Variants in MCM3AP observed in about 807,000 individuals in gnomAD.
MCM3AP encodes minichromosome maintenance complex component 3 associated protein.
A neutral mutation model predicts 184.1 loss-of-function variants in MCM3AP; 126 were observed. The observed-to-expected ratio is 0.68, with a 90% confidence interval of 0.59 to 0.79. The LOEUF (loss-of-function observed/expected upper bound fraction) is 0.79. MCM3AP is among the 30% of genes least tolerant of loss of function. The pLI, the probability that MCM3AP is intolerant of heterozygous loss-of-function variation, is 0.00. For missense variants in MCM3AP, 2,496 were observed against 2,479.2 expected (o/e 1.01, Z -0.14); for synonymous variants, 1,002 against 979.3 (o/e 1.02, Z -0.43).
At position 46,273,561 on chromosome 21, in the gene MCM3AP, C is replaced by T; in HGVS notation, c.2023G>A (p.Glu675Lys). Residue 675 changes from glutamate (E) to lysine (K), a missense_variant, in exon 7 of 28, where the codon GAG (glutamate) becomes AAG (lysine). Around this residue, in one of 5 missense-constraint regions of MCM3AP, gnomAD observed 130 missense variants for 199.8 expected, o/e 0.65. Coordinates refer to ENST00000291688, the MANE Select transcript of MCM3AP (RefSeq NM_003906.5). ...DQVDHAAAVK[E>K]YSRSSADQEE... ...TGATCCGCCGAGGACCGACTGTACT[C>T]TTTCACAGCTGCTGCGTGGTCCACC... 4 of 1,613,858 alleles carry T rather than the reference C, an allele frequency of 2.5e-6. No homozygotes were observed. Among genetic ancestry groups the T allele is most frequent in the Non-Finnish European group, 3.4e-6 (4 of 1,179,864 alleles).
At chr21:46,272,863 A>G (rs1472293279) in intron 7 of MCM3AP, 34 bp from the exon 8 acceptor site, 1 of 1,527,616 alleles carries the variant, frequency 6.5e-7, no homozygotes, top group African/African-American at 1.4e-5. Flanking sequence ...TCACACACAC[A>G]TTCCCATGCA....
chr21:46,268,329 A>G (rs2081138803), intron 9 of MCM3AP, among the ~76,000 whole-genome samples: 1 of 152,248 alleles, frequency 6.6e-6, no homozygotes, highest in African/African-American at 2.4e-5. Flanking sequence ...TCTTTAATTC[A>G]ACCAACACTG....
Position 46,284,420 on chromosome 21 carries a change from T to C in MCM3AP, c.867A>G (p.Lys289=). The C allele has an allele frequency of 1.2e-6, 2 of 1,614,148 alleles. No homozygotes were observed. Among genetic ancestry groups the C allele is most frequent in the Non-Finnish European group, 1.7e-6 (2 of 1,180,026 alleles). Residue 289 remains lysine (K), a synonymous_variant, in exon 1 of 28, where the codon AAA becomes AAG. Transcript: ENST00000291688. ...CCTGGTCCTCCTTCCTTTTCAGTCC[T>C]TTCATTAGGCTGGGAAGTGGTTCCA... ...SQVEPLPSLM[K]GLKRKEDQDR... is the part of the protein sequence containing the mutation.
In MCM3AP at chr21:46,279,977, GA is replaced by G. The variant is rs2081309570; in HGVS notation, c.1667+15del. Reference sequence around the variant, plus strand: ...GGTCCTTCCGGAATAAGGTCATTAGGAGGGACCGATCCCACCTTTTATTCAG... The same window carrying G: ...GGTCCTTCCGGAATAAGGTCATTAGGGGGACCGATCCCACCTTTTATTCAG... On this transcript the variant is annotated intron_variant, in intron 4 of 27. Coordinates refer to ENST00000291688, the MANE Select transcript of MCM3AP (RefSeq NM_003906.5). 1.2e-6 allele frequency: 2 copies of G among 1,605,942 alleles called. No individual in the cohort carries two copies. Among genetic ancestry groups the G allele is most frequent in the African/African-American group, 2.7e-5 (2 of 74,324 alleles).
chr21:46,264,015 T>C (rs975011911), intron 13 of MCM3AP, 102 bp downstream of exon 13: 14 of 677,488 alleles, frequency 2.1e-5, no homozygotes, highest in Non-Finnish European at 3.3e-5. Context: ...TATTGGATTA[T>C]GACTCCAAAA....
At position 46,266,034 on chromosome 21, in the gene MCM3AP, G is replaced by A; in HGVS notation, c.2922C>T (p.Val974=). 2 of 1,612,272 alleles carry A rather than the reference G, an allele frequency of 1.2e-6. No homozygotes were observed. Among genetic ancestry groups the A allele is most frequent in the East Asian group, 2.2e-5 (1 of 44,870 alleles). The part of the protein sequence containing the change: ...EIVNGGPLPP[V]PRHTPVCSFN... ...AGCTGCACACAGGGGTATGACGAGG[G>A]ACGGGGGGCAATGGCCCTCCGTTCA... Residue 974 remains valine, a synonymous_variant, in exon 11 of 28, where the codon GTC becomes GTT. Coordinates refer to ENST00000291688, the MANE Select transcript of MCM3AP (RefSeq NM_003906.5).
At chr21:46,273,290 T>C in intron 7 of MCM3AP, 98 bp downstream of exon 7, 4 of 1,211,872 alleles carry the variant, frequency 3.3e-6, no homozygotes, top group Non-Finnish European at 4.7e-6. Context: ...AAGTACATTT[T>C]TGTTACAGAT....
chr21:46,279,896 C>T, intron 4 of MCM3AP, 97 bp downstream of exon 4: 1 of 1,279,026 alleles, frequency 7.8e-7, no homozygotes, highest in East Asian at 2.5e-5. Flanking sequence ...TGTCTCCTCA[C>T]CACTCCCCAC....
At chr21:46,273,300 TAAAATATATAAC>T (rs2081207494) in intron 7 of MCM3AP, 76 bp downstream of exon 7, 1 of 1,272,064 alleles carries the variant, frequency 7.9e-7, no homozygotes, top group Admixed American at 1.9e-5. Flanking sequence ...TTGTTACAGA[TAAAATATATAAC>T]AGAGTAATAA....
In MCM3AP at chr21:46,279,973, T is replaced by C. The variant is rs909513141; in HGVS notation, c.1667+20A>G. ...TCCTGGTCCTTCCGGAATAAGGTCATTAGGAGGGACCGATCCCACCTTTTA... is the reference window on the plus strand; with the variant it reads ...TCCTGGTCCTTCCGGAATAAGGTCACTAGGAGGGACCGATCCCACCTTTTA... On this transcript the variant is annotated intron_variant, in intron 4 of 27. Coordinates refer to ENST00000291688, the MANE Select transcript of MCM3AP (RefSeq NM_003906.5). 1 of 1,605,208 alleles carries C rather than the reference T, an allele frequency of 6.2e-7. No homozygotes were observed. The highest frequency in any genetic ancestry group is 8.5e-7 in the Non-Finnish European group (1 of 1,176,646).
chr21:46,242,828 CT>C lies in MCM3AP; in HGVS notation c.5399del (p.Gln1800ArgfsTer6), dbSNP rs771337768. On this transcript the variant is annotated frameshift_variant, in exon 25 of 28. Transcript: ENST00000291688. LOFTEE classifies it high-confidence loss of function. ...GTCCCTCTCTCAGCTGTAGCTCCTT[CT>C]GCGTCTGCAACCTGGCTTGTTCCCA... The part of the protein sequence containing the change: ...LSWEQARLQT[Q>X]KELQLREGRL... 6.2e-7 allele frequency: 1 copy of C among 1,612,302 alleles called. No individual in the cohort carries two copies. The highest frequency in any genetic ancestry group is 1.7e-5 in the Admixed American group (1 of 59,588).
At chr21:46,260,281 A>G (rs1438131139) in intron 15 of MCM3AP, among the ~76,000 whole-genome samples, 1 of 152,182 alleles carries the variant, frequency 6.6e-6, no homozygotes, top group East Asian at 1.9e-4. Context: ...AATAGTCAGA[A>G]TTTTTAATTA....
chr21:46,251,877 C>A, intron 19 of MCM3AP, 195 bp from the exon 20 acceptor site: 4 of 209,650 alleles, frequency 1.9e-5, no homozygotes, highest in Non-Finnish European at 3.6e-5. Flanking sequence ...GATCTGTACT[C>A]GTTCTTTTTT....
rs756921773 is a variant in MCM3AP, at chr21:46,235,349, T to C, written c.5862A>G (p.Glu1954=). The change falls in exon 28 of 28, where the codon GAA becomes GAG. Residue 1954 remains glutamate, a synonymous_variant. Coordinates refer to ENST00000291688, the MANE Select transcript of MCM3AP (RefSeq NM_003906.5). ...TCLGERLKHL[E]RLIRSSREEE... ...CTTCCCTTGAACTCCGGATCAGCCT[T>C]TCCAGGTGCTTTAGTCGTTCGCCTA... is the stretch of plus-strand genomic sequence containing the variant. 11 of 1,614,044 alleles carry C rather than the reference T, an allele frequency of 6.8e-6. No individual in the cohort carries two copies. The highest frequency in any genetic ancestry group is 5.1e-6 in the Non-Finnish European group (6 of 1,180,012).
chr21:46,280,533 T>C lies in MCM3AP; in HGVS notation c.1486A>G (p.Lys496Glu), dbSNP rs2081318850. 10 of 1,612,994 alleles carry C rather than the reference T, an allele frequency of 6.2e-6. No individual in the cohort carries two copies. In the South Asian group the frequency reaches 7.7e-5, roughly 12 times the overall value. Residue 496 changes from lysine to glutamate, a missense_variant, in exon 3 of 28, where the codon AAA (lysine) becomes GAA (glutamate). By Grantham distance (56) the Lys-to-Glu change is moderately conservative (BLOSUM62 1). Around this residue, in one of 5 missense-constraint regions of MCM3AP, gnomAD observed 800 missense variants for 717.1 expected, o/e 1.12. Coordinates refer to ENST00000291688, the MANE Select transcript of MCM3AP (RefSeq NM_003906.5). ...CTGTGCCAAAAGATAGCCATGTCTT[T>C]ATGCAAACTTTTCCCCTTCTTTCTA... Reference protein sequence around the residue: ...LARKKGKSLHKDMAIFWHRKK... With the variant: ...LARKKGKSLHEDMAIFWHRKK...
intron 22 of MCM3AP, among the ~76,000 whole-genome samples, 189 bp downstream of exon 22, chr21:46,246,118 G>A (rs766823170): frequency 2.6e-5 from 4 of 152,350 alleles, no homozygotes; most frequent in South Asian, 2.1e-4. Context: ...ACTGAAGTGG[G>A]AAGATTGCAT....
Position 46,260,919 on chromosome 21 carries a change from G to C in MCM3AP, c.3468-13C>G, listed in dbSNP as rs2081033157. 1 of 1,540,180 alleles carries C rather than the reference G, an allele frequency of 6.5e-7. No homozygotes were observed. Among genetic ancestry groups the C allele is most frequent in the Admixed American group, 1.7e-5 (1 of 58,892 alleles). On this transcript the variant is annotated splice_polypyrimidine_tract_variant and intron_variant, in intron 14 of 27. Transcript: ENST00000291688. Reference sequence around the variant, plus strand: ...CTCTTGTTTCAACCTACAGGGAAGAGAAAAAATACACAAGGGTAATGTTTA... The same window carrying C: ...CTCTTGTTTCAACCTACAGGGAAGACAAAAAATACACAAGGGTAATGTTTA...
In MCM3AP at chr21:46,280,365, A is replaced by G. The variant is rs552966240; in HGVS notation, c.1522+132T>C. ...TTTGGACCAAGAGCATGAGAAACTG[A>G]AAAGAGGGCCATGCACAATGGCTCA... On this transcript the variant is annotated intron_variant, in intron 3 of 27. Coordinates refer to ENST00000291688, the MANE Select transcript of MCM3AP (RefSeq NM_003906.5). The G allele has an allele frequency of 3.5e-5, 29 of 828,038 alleles. No homozygotes were observed. The African/African-American group carries it at 4.2e-4, about 12-fold the overall frequency. 51.3% of individuals were successfully genotyped at this position (828,038 alleles called of 1,614,324 possible). A position where few individuals can be genotyped will look rare whatever the true frequency, so the allele number is the denominator to read the frequency against.
intron 17 of MCM3AP, among the ~76,000 whole-genome samples, chr21:46,255,667 G>A (rs1425248822): frequency 6.6e-6 from 1 of 152,102 alleles, no homozygotes; most frequent in African/African-American, 2.4e-5. Flanking sequence ...ACCAAGTCTG[G>A]AACTCAGGGA....
Sources: allele counts gnomAD v4.1 joint callset (sites outside exome capture counted in the v4.1 genomes callset), GRCh38; gene constraint gnomAD v4.1.1; regional missense constraint gnomAD v4.1.1; transcripts MANE v1.5; gene names NCBI Gene and HGNC (gene_info 2026-07-23, HGNC 2026-07-21).